TMEM117: variants seen among roughly 807,000 people sequenced by gnomAD.
TMEM117 encodes transmembrane protein 117.
Under a neutral mutation model 52.4 loss-of-function variants are expected in TMEM117, and 27 were observed. That is an observed-to-expected ratio of 0.51 (90% confidence interval 0.38 to 0.71). The LOEUF is 0.71. Among genes scored for constraint, TMEM117 ranks in the 30% least tolerant of loss-of-function variants. TMEM117 has a pLI of 0.00. For missense variants in TMEM117, 556 were observed against 630.5 expected (o/e 0.88, Z 1.26); for synonymous variants, 215 against 206.3 (o/e 1.04, Z -0.36).
At chr12:44,285,234 T>G (rs1163692574) in intron 5 of TMEM117, among the ~76,000 whole-genome samples, 1 of 152,220 alleles carries the variant, frequency 6.6e-6, no homozygotes, top group Non-Finnish European at 1.5e-5. Context: ...TTATTTTGTT[T>G]ACACTTTTGA....
At chr12:44,245,471 T>A (rs569403504) in intron 5 of TMEM117, among the ~76,000 whole-genome samples, 1 of 152,138 alleles carries the variant, frequency 6.6e-6, no homozygotes, top group East Asian at 1.9e-4. Context: ...GTAAATGGGA[T>A]TGTTTTTTAA....
chr12:44,150,507 C>T (rs1027042674), intron 4 of TMEM117, among the ~76,000 whole-genome samples: 9 of 152,042 alleles, frequency 5.9e-5, no homozygotes, highest in Non-Finnish European at 7.4e-5. Context: ...TAGTGGCACC[C>T]ACACTTGCCA....
chr12:44,108,028 C>A (rs1347343490), intron 3 of TMEM117, among the ~76,000 whole-genome samples: 4 of 152,038 alleles, frequency 2.6e-5, no homozygotes, highest in Non-Finnish European at 4.4e-5. Context: ...GCTTATTTTT[C>A]ATTCTGATAC....
chr12:44,133,013 A>T (rs995176382), intron 3 of TMEM117, among the ~76,000 whole-genome samples: 1 of 152,214 alleles, frequency 6.6e-6, no homozygotes, highest in African/African-American at 2.4e-5. Flanking sequence ...GTGAAAAGTG[A>T]GTTTTCCATA....
chr12:43,996,406 G>T (rs985414673), intron 3 of TMEM117, among the ~76,000 whole-genome samples: 1 of 152,112 alleles, frequency 6.6e-6, no homozygotes, highest in Non-Finnish European at 1.5e-5. Flanking sequence ...CCCTTTGGGA[G>T]GCCGAGGTGG....
intron 3 of TMEM117, among the ~76,000 whole-genome samples, chr12:43,961,959 CTG>C (rs1252333999): frequency 2.6e-5 from 4 of 152,162 alleles, no homozygotes; most frequent in Non-Finnish European, 5.9e-5. Context: ...AGTGATATTT[CTG>C]TGGCAGGTTA....
chr12:44,374,616 TTGTGTGTGTG>T lies in TMEM117; in HGVS notation c.769-1949_769-1940del, dbSNP rs5742462. Among the ~76,000 whole-genome samples, 312 of 144,910 alleles carry T rather than the reference TTGTGTGTGTG, an allele frequency of 2.2e-3. 5 individuals carry two copies. Among genetic ancestry groups the T allele is most frequent in the African/African-American group, 6.4e-3 (251 of 39,410 alleles). ...AGGTGGGAAATAATCAAGGAACTAT[TTGTGTGTGTG>T]TGTGTGTGTGTGTGTGTGTGTGTGT... is the stretch of plus-strand genomic sequence containing the variant. On this transcript the variant is annotated intron_variant, in intron 6 of 7. Coordinates refer to ENST00000266534, the MANE Select transcript of TMEM117 (RefSeq NM_032256.3).
chr12:43,997,015 A>G (rs1007592844), intron 3 of TMEM117, among the ~76,000 whole-genome samples: 23 of 152,234 alleles, frequency 1.5e-4, no homozygotes, highest in African/African-American at 5.5e-4. Context: ...CTGGCGGCTC[A>G]GTCTTAAGCC....
At chr12:43,864,805 C>G (rs916682260) in intron 2 of TMEM117, among the ~76,000 whole-genome samples, 1 of 151,604 alleles carries the variant, frequency 6.6e-6, no homozygotes, top group Non-Finnish European at 1.5e-5. Context: ...GGGGTCCACA[C>G]TGTGGGAACT....
chr12:44,148,553 G>A (rs1948678091), intron 4 of TMEM117, among the ~76,000 whole-genome samples: 1 of 152,038 alleles, frequency 6.6e-6, no homozygotes. Flanking sequence ...ATATTTGAGT[G>A]ACAATTTTTG....
intron 6 of TMEM117, among the ~76,000 whole-genome samples, chr12:44,315,528 A>G (rs1951043174): frequency 6.6e-6 from 1 of 152,162 alleles, no homozygotes; most frequent in African/African-American, 2.4e-5. Flanking sequence ...TTCAGAGAAA[A>G]GTAGTTTAAT....
chr12:44,365,882 A>G (rs1467134582), intron 6 of TMEM117, among the ~76,000 whole-genome samples: 2 of 151,972 alleles, frequency 1.3e-5, no homozygotes, highest in Non-Finnish European at 2.9e-5. Context: ...AGGGAAATGT[A>G]TTGGAATATA....
At chr12:43,820,153 T>C in the TMEM117 span, among the ~76,000 whole-genome samples, 2 of 152,078 alleles carry the variant, frequency 1.3e-5, no homozygotes, top group Non-Finnish European at 2.9e-5. Context: ...AGTGGAGTGC[T>C]GTGGCGCAAC....
the TMEM117 span, chr12:43,797,777 A>G: frequency 6.2e-7 from 1 of 1,613,390 alleles, no homozygotes; most frequent in African/African-American, 1.3e-5. Context: ...GAGAAATGGG[A>G]AATGCTACTC....
chr12:44,087,444 G>T (rs1947589759), intron 3 of TMEM117, among the ~76,000 whole-genome samples: 1 of 151,566 alleles, frequency 6.6e-6, no homozygotes. Flanking sequence ...GTGTATGTAT[G>T]TATGTATGTA....
rs77449570 is a variant in TMEM117, at chr12:44,361,697, T to A, written c.769-14898T>A. Reference sequence around the variant, plus strand: ...TATAATTAATACATAAATGTGAAGTTAATGAACACCACACGGTAGTCTGTT... The same window carrying A: ...TATAATTAATACATAAATGTGAAGTAAATGAACACCACACGGTAGTCTGTT... On this transcript the variant is annotated intron_variant, in intron 6 of 7. Coordinates refer to ENST00000266534, the MANE Select transcript of TMEM117 (RefSeq NM_032256.3). Among the ~76,000 whole-genome samples, 4 of 152,268 alleles carry A rather than the reference T, an allele frequency of 2.6e-5. No homozygotes were observed. The East Asian group carries it at 7.7e-4, about 29-fold the overall frequency.
intron 2 of TMEM117, among the ~76,000 whole-genome samples, chr12:43,932,865 G>T (rs183336377): frequency 8.5e-5 from 13 of 152,312 alleles, no homozygotes; most frequent in Admixed American, 8.5e-4. Context: ...AGGACTTGTG[G>T]AAAGTCGTGA....
intron 2 of TMEM117, among the ~76,000 whole-genome samples, chr12:43,866,087 G>C (rs1675780): frequency 0.99 from 149,763 of 151,846 alleles, 73,950 homozygotes; most frequent in East Asian, 1. Flanking sequence ...TGGGCAAGGA[G>C]ATAGAAAACC....
chr12:43,796,632 G>A, the TMEM117 span, among the ~76,000 whole-genome samples: 4 of 152,054 alleles, frequency 2.6e-5, no homozygotes, highest in Non-Finnish European at 5.9e-5. Context: ...AGGACTTTTT[G>A]CACTGATGGA....
Sources: gnomAD v4.1 joint callset for allele counts (sites outside exome capture counted in the v4.1 genomes callset) on GRCh38, gnomAD v4.1.1 for gene constraint, MANE v1.5 for transcripts, NCBI Gene and HGNC (gene_info 2026-07-23, HGNC 2026-07-21) for gene names.